Variants in ARHGAP26 observed in about 807,000 individuals in gnomAD.
ARHGAP26 encodes rho GTPase-activating protein 26.
Under a neutral mutation model 104.8 loss-of-function variants are expected in ARHGAP26, and 38 were observed. The observed-to-expected ratio is 0.36, with a 90% CI of 0.28 to 0.48. The LOEUF is 0.48. Ranked by LOEUF, ARHGAP26 falls within the 20% of genes least tolerant of loss-of-function variation. The probability of loss-of-function intolerance (pLI) is 0.99; values close to 1 mark genes in which losing one functional copy is unlikely to be tolerated. For synonymous variants in ARHGAP26, 341 were observed against 340.0 expected (o/e 1.00, Z -0.03); for missense variants, 704 against 947.9 (o/e 0.74, Z 3.38).
intron 1 of ARHGAP26, among the ~76,000 whole-genome samples, chr5:142,842,952 C>T (rs911813957): frequency 3.3e-5 from 5 of 152,094 alleles, no homozygotes; most frequent in Non-Finnish European, 2.9e-5. Flanking sequence ...TCAGTTAGAT[C>T]GACTTCTTGT....
intron 1 of ARHGAP26, among the ~76,000 whole-genome samples, chr5:142,778,543 A>G (rs1756830966): frequency 6.6e-6 from 1 of 152,204 alleles, no homozygotes; most frequent in South Asian, 2.1e-4. Context: ...CAGTACATGC[A>G]TGTAGTGCAT....
At chr5:143,208,521 A>G (rs1271891841) in intron 21 of ARHGAP26, among the ~76,000 whole-genome samples, 1 of 152,216 alleles carries the variant, frequency 6.6e-6, no homozygotes, top group African/African-American at 2.4e-5. Context: ...CACATCTATC[A>G]TTTCATTCTA....
At chr5:142,990,031 T>A (rs1775359507) in intron 11 of ARHGAP26, among the ~76,000 whole-genome samples, 2 of 152,208 alleles carry the variant, frequency 1.3e-5, no homozygotes, top group African/African-American at 4.8e-5. Context: ...TTCTCCTGGA[T>A]AATATCCTGC....
chr5:143,190,361 G>A (rs1205483587), intron 20 of ARHGAP26, among the ~76,000 whole-genome samples: 2 of 152,154 alleles, frequency 1.3e-5, no homozygotes, highest in African/African-American at 2.4e-5. Context: ...TATGAATAGT[G>A]CTGCACGGGG....
chr5:143,075,813 C>T (rs1157901011), intron 17 of ARHGAP26, among the ~76,000 whole-genome samples: 3 of 150,998 alleles, frequency 2.0e-5, no homozygotes, highest in Non-Finnish European at 4.4e-5. Flanking sequence ...ATCCTCCCAC[C>T]TCAGCCTTCC....
chr5:143,205,053 A>C (rs1425855320), intron 20 of ARHGAP26, among the ~76,000 whole-genome samples: 1 of 152,120 alleles, frequency 6.6e-6, no homozygotes. Context: ...TCTGACTAGC[A>C]GCAACTGTGG....
At chr5:143,159,156 G>A (rs957241832) in intron 20 of ARHGAP26, among the ~76,000 whole-genome samples, 1 of 152,152 alleles carries the variant, frequency 6.6e-6, no homozygotes, top group East Asian at 1.9e-4. Flanking sequence ...TTCAGTCAAG[G>A]GACACAGCCA....
In ARHGAP26 at chr5:143,046,460, C is replaced by T. The variant is rs79184836; in HGVS notation, c.1285+4570C>T. ...TGTCTTCTTTGTACTGATCAGGATT[C>T]CTTAAGAAAGCTTGCTAAAATTCCT... On this transcript the variant is annotated intron_variant, in intron 14 of 22. Transcript: ENST00000645722. Among the ~76,000 whole-genome samples, 64 of 152,296 alleles carry T rather than the reference C, an allele frequency of 4.2e-4. No individual in the cohort carries two copies. The East Asian group carries it at 0.01, about 24-fold the overall frequency.
intron 15 of ARHGAP26, 85 bp downstream of exon 15, chr5:143,054,611 G>T: frequency 1.0e-6 from 1 of 969,406 alleles, no homozygotes; most frequent in Admixed American, 2.1e-5. Context: ...AGACTCCGGA[G>T]AGCTGTCGGG....
chr5:143,147,435 C>T (rs902757574), intron 20 of ARHGAP26, 54 bp downstream of exon 20: 1 of 1,573,490 alleles, frequency 6.4e-7, no homozygotes, highest in South Asian at 1.2e-5. Context: ...AGCCATTCCA[C>T]CTAGAATTTG....
At chr5:142,979,559 T>C (rs1217915465) in intron 11 of ARHGAP26, among the ~76,000 whole-genome samples, 1 of 152,226 alleles carries the variant, frequency 6.6e-6, no homozygotes, top group Non-Finnish European at 1.5e-5. Context: ...GGGGCCACAT[T>C]ATCAATCCCT....
chr5:142,986,765 C>T (rs2152743852), intron 11 of ARHGAP26, among the ~76,000 whole-genome samples: 1 of 152,264 alleles, frequency 6.6e-6, no homozygotes, highest in South Asian at 2.1e-4. Flanking sequence ...ATAGGGAATC[C>T]TTTCCCCATT....
At chr5:142,919,377 G>T in intron 10 of ARHGAP26, 1 of 398,586 alleles carries the variant, frequency 2.5e-6, no homozygotes, top group Non-Finnish European at 4.4e-6. Flanking sequence ...ACAGACCTCA[G>T]GAGGAACCCT....
intron 17 of ARHGAP26, among the ~76,000 whole-genome samples, chr5:143,073,811 T>A (rs772323185): frequency 6.6e-6 from 1 of 152,230 alleles, no homozygotes; most frequent in African/African-American, 2.4e-5. Flanking sequence ...TGTGTGCTAT[T>A]TAAAAAGTTG....
intron 1 of ARHGAP26, among the ~76,000 whole-genome samples, chr5:142,780,481 A>G (rs1757273733): frequency 6.6e-6 from 1 of 152,244 alleles, no homozygotes; most frequent in Non-Finnish European, 1.5e-5. Flanking sequence ...GTAGGAAGGA[A>G]ACTCACCATT....
At chr5:143,090,570 A>G (rs1598965370) in intron 17 of ARHGAP26, among the ~76,000 whole-genome samples, 2 of 152,296 alleles carry the variant, frequency 1.3e-5, no homozygotes, top group East Asian at 3.9e-4. Flanking sequence ...AAATAATCTA[A>G]TAGGGTCTGT....
intron 17 of ARHGAP26, among the ~76,000 whole-genome samples, chr5:143,103,617 A>G (rs959203234): frequency 1.3e-5 from 2 of 152,246 alleles, no homozygotes; most frequent in Admixed American, 6.5e-5. Context: ...CTATGAAGCC[A>G]TAAAAAAGAA....
intron 2 of ARHGAP26, among the ~76,000 whole-genome samples, chr5:142,873,889 C>T (rs1755694970): frequency 6.6e-6 from 1 of 152,180 alleles, no homozygotes; most frequent in Admixed American, 6.5e-5. Context: ...GAGATGAGAA[C>T]ACAGCCCAGT....
chr5:143,103,250 T>A, intron 17 of ARHGAP26: 1 of 984,910 alleles, frequency 1.0e-6, no homozygotes, highest in Non-Finnish European at 1.2e-6. Flanking sequence ...AAGTTCAATA[T>A]CATTACTCTT....
Sources: allele counts gnomAD v4.1 joint callset (sites outside exome capture counted in the v4.1 genomes callset), GRCh38; gene constraint gnomAD v4.1.1; transcripts MANE v1.5; gene names NCBI Gene and HGNC (gene_info 2026-07-23, HGNC 2026-07-21).